ELAVL1: variants seen among roughly 807,000 people sequenced by gnomAD.
ELAVL1 encodes the protein ELAV like RNA binding protein 1, also known as ELAV-like protein 1.
In ELAVL1, 1 loss-of-function variant was observed where a neutral mutation model predicts 28.4. The observed-to-expected ratio is 0.04, with a 90% confidence interval of 0.01 to 0.17. ELAVL1 has a LOEUF of 0.17. Among genes scored for constraint, ELAVL1 ranks in the 10% least tolerant of loss-of-function variants. The probability of loss-of-function intolerance (pLI) is 1.00; values close to 1 mark genes in which losing one functional copy is unlikely to be tolerated. For missense variants in ELAVL1, 157 were observed against 447.2 expected, an observed-to-expected ratio of 0.35 and a Z score of 5.85; for synonymous variants, 174 against 183.5, an observed-to-expected ratio of 0.95 and a Z score of 0.42.
chr19:7,991,502 A>G lies in ELAVL1; in HGVS notation c.172+142T>C, dbSNP rs1985751516. ...ACAAGAGCAATGGACAGAGTTTGAA[A>G]TAAAAATGAAACTTCACAGCCATCG... On this transcript the variant is annotated intron_variant, in intron 2 of 5. Coordinates refer to ENST00000407627, the MANE Select transcript of ELAVL1 (RefSeq NM_001419.3). The G allele has an allele frequency of 1.4e-5, 12 of 844,276 alleles. No homozygotes were observed. In the Admixed American group the frequency reaches 1.7e-4, roughly 12 times the overall value. 52.3% of individuals were successfully genotyped at this position (844,276 alleles called of 1,614,324 possible).
intron 1 of ELAVL1, among the ~76,000 whole-genome samples, chr19:7,999,174 A>C (rs2145229386): frequency 6.6e-6 from 1 of 152,310 alleles, no homozygotes; most frequent in African/African-American, 2.4e-5. Context: ...GGAGTTTGAG[A>C]CCAGCATGGC....
At position 7,982,090 on chromosome 19, in the gene ELAVL1, C is replaced by T. The variant is rs1173896214; in HGVS notation, c.173-904G>A. Among the ~76,000 whole-genome samples, 2 of 152,220 alleles carry T rather than the reference C, an allele frequency of 1.3e-5. No individual in the cohort carries two copies. Among genetic ancestry groups the T allele is most frequent in the South Asian group, 2.1e-4 (1 of 4,830 alleles). ...TGTACCCCCTTTGTGAAACACTCAG[C>T]ACAGGTACAAGTGAACACCCACTCA... On this transcript the variant is annotated intron_variant, in intron 2 of 5. Transcript: ENST00000407627. This position sits in a 1 kb window ranked among gnomAD's most constrained non-coding sequence, Gnocchi z 4.3.
chr19:8,000,413 CT>C (rs1250710076), intron 1 of ELAVL1, among the ~76,000 whole-genome samples: 2 of 152,154 alleles, frequency 1.3e-5, no homozygotes, highest in African/African-American at 4.8e-5. Flanking sequence ...AGTGAGGCTG[CT>C]TTCCACCAGG....
chr19:7,986,626 G>A (rs1017346790), intron 2 of ELAVL1, among the ~76,000 whole-genome samples: 3 of 152,298 alleles, frequency 2.0e-5, no homozygotes, highest in African/African-American at 4.8e-5. Context: ...CCCATCTGCC[G>A]CTTCACCGGC....
Position 8,005,518 on chromosome 19 carries a change from G to C in ELAVL1, c.-40C>G, listed in dbSNP as rs1249499751. 1 of 147,556 alleles carries C rather than the reference G, an allele frequency of 6.8e-6. No homozygotes were observed. The highest frequency in any genetic ancestry group is 6.8e-5 in the Admixed American group (1 of 14,746). The allele number at this position is 147,556 out of a possible 1,614,324, so 9.1% of individuals were successfully genotyped here. On this transcript the variant is annotated 5_prime_UTR_variant, in exon 1 of 6. Transcript: ENST00000407627. ...ACCTGGATGCGGGCGGGCGGGCCCG[G>C]GGCTGCTCCGGGGCGGGCGGGAGGC...
chr19:7,959,239 AT>A lies in ELAVL1; in HGVS notation c.*4243del, dbSNP rs1028113042. 25 of 152,754 alleles carry A rather than the reference AT, an allele frequency of 1.6e-4. No individual in the cohort carries two copies. Among genetic ancestry groups the A allele is most frequent in the African/African-American group, 6.0e-4 (25 of 41,580 alleles). The allele number at this position is 152,754 out of a possible 1,614,324, so 9.5% of individuals were successfully genotyped here. ...GTCAGACTTTATTGAAAACAAACCC[AT>A]GTAAAAACAAAGTTAAAATGAAAAA... is the stretch of plus-strand genomic sequence containing the variant. On this transcript the variant is annotated 3_prime_UTR_variant, in exon 6 of 6. Coordinates refer to ENST00000407627, the MANE Select transcript of ELAVL1 (RefSeq NM_001419.3).
intron 5 of ELAVL1, among the ~76,000 whole-genome samples, chr19:7,965,817 A>G (rs757807406): frequency 1.6e-4 from 24 of 152,102 alleles, no homozygotes; most frequent in Non-Finnish European, 1.5e-4. Context: ...CCCCATCAAG[A>G]GCAGGACCGA....
chr19:8,001,691 C>G (rs2145231510), intron 1 of ELAVL1, among the ~76,000 whole-genome samples: 1 of 151,866 alleles, frequency 6.6e-6, no homozygotes, highest in Non-Finnish European at 1.5e-5. Flanking sequence ...GTCTTGAACT[C>G]CTGGCCTTGA....
intron 1 of ELAVL1, among the ~76,000 whole-genome samples, chr19:7,994,120 C>A (rs1281540351): frequency 6.6e-6 from 1 of 152,270 alleles, no homozygotes; most frequent in African/African-American, 2.4e-5. Context: ...TTAAAAACCT[C>A]TGTACAGCAA....
rs1266157530 is a variant in ELAVL1, at chr19:7,962,165, G to C, written c.*1318C>G. ...CAGATTCAGAAATGCTTTTGCTTGA[G>C]GCAAGGATTGGTTTCTTAAGATCTT... On this transcript the variant is annotated 3_prime_UTR_variant, in exon 6 of 6. Coordinates refer to ENST00000407627, the MANE Select transcript of ELAVL1 (RefSeq NM_001419.3). The C allele has an allele frequency of 6.5e-6, 1 of 153,696 alleles. No homozygotes were observed. The highest frequency in any genetic ancestry group is 1.5e-5 in the Non-Finnish European group (1 of 68,050). The allele number at this position is 153,696 out of a possible 1,614,324, so 9.5% of individuals were successfully genotyped here. A position where few individuals can be genotyped will look rare whatever the true frequency, so the allele number is the denominator to read the frequency against.
At position 7,958,840 on chromosome 19, in the gene ELAVL1, A is replaced by T. The variant is rs1984728912; in HGVS notation, c.*4643T>A. The T allele has an allele frequency of 6.5e-6, 1 of 152,964 alleles. No individual in the cohort carries two copies. The highest frequency in any genetic ancestry group is 1.5e-5 in the Non-Finnish European group (1 of 68,054). The allele number at this position is 152,964 out of a possible 1,614,324, so 9.5% of individuals were successfully genotyped here. The stretch of plus-strand genomic sequence containing the variant: ...TTTTTCATGTTTCCATTACATGTAA[A>T]TATATCAATTTGGCATCTCTATAAA... On this transcript the variant is annotated 3_prime_UTR_variant, in exon 6 of 6. Coordinates refer to ENST00000407627, the MANE Select transcript of ELAVL1 (RefSeq NM_001419.3).
intron 4 of ELAVL1, 49 bp downstream of exon 4, chr19:7,973,676 C>G: frequency 6.3e-7 from 1 of 1,579,194 alleles, no homozygotes; most frequent in Non-Finnish European, 8.6e-7. Flanking sequence ...GAAAACCCAG[C>G]CCCCACCTAG....
intron 4 of ELAVL1, among the ~76,000 whole-genome samples, chr19:7,970,527 C>T (rs34654154): frequency 0.058 from 8,801 of 152,240 alleles, 271 homozygotes; most frequent in Non-Finnish European, 0.07. Context: ...GTGATCCACC[C>T]ACCTTGGCCT....
chr19:8,003,647 G>A (rs1427639747), intron 1 of ELAVL1, among the ~76,000 whole-genome samples: 4 of 141,420 alleles, frequency 2.8e-5, no homozygotes, highest in Non-Finnish European at 6.0e-5. Context: ...AGCCGAGATC[G>A]CACCACTGCA....
At chr19:7,996,270 C>T (rs2081047892) in intron 1 of ELAVL1, among the ~76,000 whole-genome samples, 1 of 151,822 alleles carries the variant, frequency 6.6e-6, no homozygotes, top group Admixed American at 6.6e-5. Context: ...CAAGCTCCAC[C>T]TCCCGGGTTC....
intron 1 of ELAVL1, among the ~76,000 whole-genome samples, chr19:7,995,139 C>T (rs182649546): frequency 1.5e-4 from 23 of 152,234 alleles, no homozygotes; most frequent in Non-Finnish European, 2.5e-4. Context: ...TCTGTGGCCA[C>T]GAGATTTTAG....
intron 1 of ELAVL1, chr19:8,002,304 T>G (rs2081070854): frequency 2.6e-6 from 1 of 386,424 alleles, no homozygotes; most frequent in Non-Finnish European, 5.1e-6. Flanking sequence ...GGCTCTCCTG[T>G]GCCCACCCAG....
At chr19:7,985,364 GCCACCTGCA>G (rs1348675475) in intron 2 of ELAVL1, among the ~76,000 whole-genome samples, 1 of 152,182 alleles carries the variant, frequency 6.6e-6, no homozygotes, top group African/African-American at 2.4e-5. Context: ...GGGTCCACAA[GCCACCTGCA>G]CCAGGGGCAT....
chr19:7,960,450 G>A lies in ELAVL1; in HGVS notation c.*3033C>T, dbSNP rs535643192. On this transcript the variant is annotated 3_prime_UTR_variant, in exon 6 of 6. Transcript: ENST00000407627. Reference sequence around the variant, plus strand: ...GCCGGGGAGGGGACTCAGCACCCGGGAGGGAATCAGTCACAGAGCTGCGAC... The same window carrying A: ...GCCGGGGAGGGGACTCAGCACCCGGAAGGGAATCAGTCACAGAGCTGCGAC... 2 of 152,354 alleles carry A rather than the reference G, an allele frequency of 1.3e-5. No homozygotes were observed. Among genetic ancestry groups the A allele is most frequent in the South Asian group, 2.1e-4 (1 of 4,824 alleles). 9.4% of individuals were successfully genotyped at this position (152,354 alleles called of 1,614,324 possible).
Sources: gnomAD v4.1 joint callset for allele counts (sites outside exome capture counted in the v4.1 genomes callset) on GRCh38, gnomAD v4.1.1 for gene constraint, Gnocchi (gnomAD v3.1) non-coding constraint, MANE v1.5 for transcripts, NCBI Gene and HGNC (gene_info 2026-07-23, HGNC 2026-07-21) for gene names.